Variants in HEPHL1 observed in about 807,000 individuals in gnomAD.
The protein encoded by HEPHL1 is hephaestin like 1, also known as ferroxidase HEPHL1.
Under a neutral mutation model 122.0 loss-of-function variants are expected in HEPHL1, and 123 were observed. The observed-to-expected ratio is 1.01, with a 90% CI of 0.87 to 1.17. The LOEUF is 1.17. Ranked by LOEUF, HEPHL1 falls within the 50% of genes most tolerant of loss-of-function variation. HEPHL1 has a pLI of 0.00. For missense variants in HEPHL1, 1,452 were observed against 1,430.5 expected (o/e 1.01, Z -0.24); for synonymous variants, 527 against 508.9 (o/e 1.04, Z -0.48).
At chr11:94,056,691 A>T (rs1490435899) in intron 2 of HEPHL1, among the ~76,000 whole-genome samples, 4 of 151,786 alleles carry the variant, frequency 2.6e-5, no homozygotes, top group African/African-American at 9.7e-5. Flanking sequence ...CTATCTATCT[A>T]TCTATCTATC....
intron 2 of HEPHL1, among the ~76,000 whole-genome samples, chr11:94,063,006 T>C (rs1176748902): frequency 2.6e-5 from 4 of 152,182 alleles, no homozygotes; most frequent in African/African-American, 9.7e-5. Context: ...CGTATTCTAG[T>C]CTGCCCAACA....
At chr11:94,078,882 A>T (rs1165824617) in intron 9 of HEPHL1, among the ~76,000 whole-genome samples, 1 of 152,110 alleles carries the variant, frequency 6.6e-6, no homozygotes, top group Non-Finnish European at 1.5e-5. Context: ...ATCCAGGATA[A>T]TGTGTGAGCA....
At chr11:94,079,158 G>C (rs1946149253) in intron 9 of HEPHL1, among the ~76,000 whole-genome samples, 2 of 152,258 alleles carry the variant, frequency 1.3e-5, no homozygotes, top group African/African-American at 4.8e-5. Flanking sequence ...GAGTGCTTTA[G>C]CTAAGTCATC....
At chr11:94,086,897 T>G (rs1946223085) in intron 11 of HEPHL1, among the ~76,000 whole-genome samples, 1 of 151,722 alleles carries the variant, frequency 6.6e-6, no homozygotes, top group East Asian at 1.9e-4. Context: ...TTGAACATGT[T>G]TTTCCAAACC....
chr11:94,101,925 A>G (rs1275703281), intron 14 of HEPHL1, among the ~76,000 whole-genome samples: 1 of 152,218 alleles, frequency 6.6e-6, no homozygotes, highest in Non-Finnish European at 1.5e-5. Flanking sequence ...CTTCAATTAG[A>G]GACAATAAAA....
chr11:94,035,132 G>A (rs1488545450), intron 1 of HEPHL1, among the ~76,000 whole-genome samples: 1 of 152,106 alleles, frequency 6.6e-6, no homozygotes, highest in Non-Finnish European at 1.5e-5. Flanking sequence ...GTGATTTCCT[G>A]AACTGACCTC....
Position 94,104,623 on chromosome 11 carries a change from T to C in HEPHL1, c.2778T>C (p.Ala926=). ...GRRSDVDYEF[A]LLFLVFNENE... ...GAAGTGACGTTGATTATGAATTTGC[T>C]CTCTTGTTTTTGGTATTTAATGAGA... The change falls in exon 16 of 20, where the codon GCT becomes GCC. Residue 926 remains alanine, a synonymous_variant. Coordinates refer to ENST00000315765, the MANE Select transcript of HEPHL1 (RefSeq NM_001098672.2). The C allele has an allele frequency of 6.2e-7, 1 of 1,613,870 alleles. No individual in the cohort carries two copies. The highest frequency in any genetic ancestry group is 8.5e-7 in the Non-Finnish European group (1 of 1,179,766).
chr11:94,113,729 T>G lies in HEPHL1; in HGVS notation c.*1835T>G, dbSNP rs1315948953. On this transcript the variant is annotated 3_prime_UTR_variant, in exon 20 of 20. Transcript: ENST00000315765. ...TAGTTTGATTGCATCATTTATCATT[T>G]TAATAAAGTGTCACATAAGGTGGCT... The G allele has an allele frequency of 6.6e-6, 1 of 152,224 alleles. No individual in the cohort carries two copies. Among genetic ancestry groups the G allele is most frequent in the Non-Finnish European group, 1.5e-5 (1 of 68,042 alleles). The allele number at this position is 152,224 out of a possible 1,614,324, so 9.4% of individuals were successfully genotyped here.
intron 12 of HEPHL1, among the ~76,000 whole-genome samples, chr11:94,092,708 C>T (rs909333445): frequency 6.6e-6 from 1 of 151,854 alleles, no homozygotes; most frequent in African/African-American, 2.4e-5. Context: ...CTGTTGAGCT[C>T]AGTGTTAATG....
At chr11:94,091,267 T>C (rs1272881923) in intron 12 of HEPHL1, among the ~76,000 whole-genome samples, 1 of 152,214 alleles carries the variant, frequency 6.6e-6, no homozygotes, top group Non-Finnish European at 1.5e-5. Flanking sequence ...AGTGCTTATA[T>C]AGTGCTGAAC....
At chr11:94,099,957 T>G (rs1374365262) in intron 13 of HEPHL1, among the ~76,000 whole-genome samples, 1 of 152,120 alleles carries the variant, frequency 6.6e-6, no homozygotes, top group East Asian at 1.9e-4. Flanking sequence ...CCCTTGTGCT[T>G]CCCAGGTAAG....
intron 1 of HEPHL1, among the ~76,000 whole-genome samples, chr11:94,025,609 TAG>T (rs1471069624): frequency 2.0e-5 from 3 of 152,164 alleles, no homozygotes; most frequent in Non-Finnish European, 4.4e-5. Context: ...CCCATTTTTG[TAG>T]AGTCTGTTAG....
At chr11:94,075,440 C>CA (rs1229782457) in intron 9 of HEPHL1, 55 bp downstream of exon 9, 22 of 1,069,058 alleles carry the variant, frequency 2.1e-5, no homozygotes, top group African/African-American at 5.8e-5. Context: ...GAGAGATCCG[C>CA]AAGAGCCAGA....
chr11:94,087,476 A>G (rs1018122675), intron 11 of HEPHL1, among the ~76,000 whole-genome samples: 1 of 152,164 alleles, frequency 6.6e-6, no homozygotes, highest in Non-Finnish European at 1.5e-5. Flanking sequence ...TCCCTTACCT[A>G]TAAGTCAAGA....
chr11:94,044,613 C>T (rs1280798102), intron 1 of HEPHL1, among the ~76,000 whole-genome samples: 1 of 152,176 alleles, frequency 6.6e-6, no homozygotes, highest in Non-Finnish European at 1.5e-5. Context: ...CTGCACTTCC[C>T]ATTCCATCTG....
intron 8 of HEPHL1, among the ~76,000 whole-genome samples, chr11:94,074,847 T>C (rs1421759739): frequency 6.6e-6 from 1 of 152,194 alleles, no homozygotes; most frequent in Non-Finnish European, 1.5e-5. Flanking sequence ...ATATTCTACA[T>C]AGAAAGCATT....
chr11:94,103,957 T>C (rs1946389620), intron 15 of HEPHL1, among the ~76,000 whole-genome samples: 1 of 152,222 alleles, frequency 6.6e-6, no homozygotes, highest in Admixed American at 6.5e-5. Context: ...CCAAATACTA[T>C]GAGAGATGCA....
intron 11 of HEPHL1, among the ~76,000 whole-genome samples, chr11:94,088,271 TTAA>T (rs1041536315): frequency 2.0e-5 from 3 of 152,232 alleles, no homozygotes; most frequent in Non-Finnish European, 2.9e-5. Flanking sequence ...ACATTTGGCT[TTAA>T]TAATAATAAC....
intron 2 of HEPHL1, among the ~76,000 whole-genome samples, chr11:94,059,952 C>T (rs1247947144): frequency 1.3e-5 from 2 of 151,924 alleles, no homozygotes; most frequent in Non-Finnish European, 2.9e-5. Flanking sequence ...GACAAGTCCA[C>T]TGCTTACCCA....
Sources: gnomAD v4.1 joint callset for allele counts (sites outside exome capture counted in the v4.1 genomes callset) on GRCh38, gnomAD v4.1.1 for gene constraint, MANE v1.5 for transcripts, NCBI Gene and HGNC (gene_info 2026-07-23, HGNC 2026-07-21) for gene names.